The following UBAP1L variants were observed in gnomAD, a reference collection of about 807,000 sequenced individuals.
UBAP1L encodes ubiquitin associated protein 1 like, also known as ubiquitin-associated protein 1-like.
In UBAP1L, 32 loss-of-function variants were observed where a neutral mutation model predicts 32.1. That is an observed-to-expected ratio of 1.00 (90% CI 0.75 to 1.34). The LOEUF (loss-of-function observed/expected upper bound fraction) is 1.34. Ranked by LOEUF, UBAP1L falls within the 40% of genes most tolerant of loss-of-function variation. The pLI, the probability that UBAP1L is intolerant of heterozygous loss-of-function variation, is 0.00. For missense variants in UBAP1L, 516 were observed against 540.5 expected (o/e 0.95, Z 0.45); for synonymous variants, 243 against 250.2 (o/e 0.97, Z 0.27).
intron 1 of UBAP1L, among the ~76,000 whole-genome samples, chr15:65,107,270 A>G (rs1009174987): frequency 2.0e-5 from 3 of 151,736 alleles, no homozygotes; most frequent in African/African-American, 7.3e-5. Context: ...TCTCTAACAC[A>G]TCACACAGTG....
In UBAP1L at chr15:65,102,696, A is replaced by G; in HGVS notation, c.121-12T>C. On this transcript the variant is annotated splice_polypyrimidine_tract_variant and intron_variant, in intron 2 of 5. Transcript: ENST00000559089. The surrounding 1 kb of genome is among the most constrained non-coding windows in gnomAD (Gnocchi z 5.0). ...AGGCTGAAGTCGTGCTGCGGAAAGA[A>G]GGCGACGTAAAGCCCAGGGCAAACC... The G allele has an allele frequency of 6.5e-7, 1 of 1,543,918 alleles. No homozygotes were observed. Among genetic ancestry groups the G allele is most frequent in the Non-Finnish European group, 8.7e-7 (1 of 1,146,344 alleles).
At chr15:65,109,258 C>T (rs539198295) in intron 1 of UBAP1L, among the ~76,000 whole-genome samples, 19 of 151,084 alleles carry the variant, frequency 1.3e-4, no homozygotes, top group Admixed American at 7.9e-4. Context: ...CCGAGGTGGG[C>T]GGATCACAAG....
Position 65,092,838 on chromosome 15 carries a change from A to G in UBAP1L, c.*259T>C. 1.9e-6 allele frequency: 1 copy of G among 514,652 alleles called. No individual in the cohort carries two copies. The highest frequency in any genetic ancestry group is 2.8e-5 in the South Asian group (1 of 36,258). 31.9% of individuals were successfully genotyped at this position (514,652 alleles called of 1,614,324 possible). On this transcript the variant is annotated 3_prime_UTR_variant, in exon 6 of 6. Transcript: ENST00000559089. ...CTAATGCACACAGTGTAAAGAGTCA[A>G]ATCAGGTGGTTTCACAGGCATGCAT...
At position 65,094,512 on chromosome 15, in the gene UBAP1L, T is replaced by A; in HGVS notation, c.974A>T (p.Asp325Val). The A allele has an allele frequency of 6.4e-7, 1 of 1,551,454 alleles. No individual in the cohort carries two copies. The highest frequency in any genetic ancestry group is 8.7e-7 in the Non-Finnish European group (1 of 1,146,920). The change falls in exon 5 of 6, where the codon GAT (aspartate) becomes GTT (valine). Residue 325 changes from aspartate (D) to valine (V), a missense_variant. Asp to Val is a radical substitution (Grantham distance 152, BLOSUM62 -3). Transcript: ENST00000559089. This position sits in a 1 kb window ranked among gnomAD's most constrained non-coding sequence, Gnocchi z 4.2. ...GAACTGGAACATCTCCATGGCCTCA[T>A]CCACCAGGCCTTCCTCATATCCCTG... ...LRQGYEEGLV[D>V]EAMEMFQFSE...
intron 2 of UBAP1L, chr15:65,105,145 C>T (rs1453040801): frequency 1.0e-5 from 2 of 196,608 alleles, no homozygotes; most frequent in Non-Finnish European, 1.0e-5. Context: ...TGCCGCTGCA[C>T]TCCAGCCTGG....
At chr15:65,106,681 C>T (rs1167234845) in intron 1 of UBAP1L, among the ~76,000 whole-genome samples, 1 of 150,662 alleles carries the variant, frequency 6.6e-6, no homozygotes, top group Non-Finnish European at 1.5e-5. Context: ...CGCTCTGTCA[C>T]CCAGGCTGGA....
At chr15:65,109,156 CAAA>C (rs564699668) in intron 1 of UBAP1L, among the ~76,000 whole-genome samples, 6 of 70,026 alleles carry the variant, frequency 8.6e-5, no homozygotes, top group Non-Finnish European at 8.6e-5. Context: ...GACTCTGTCT[CAAA>C]AAAAAAAAAA....
In UBAP1L at chr15:65,094,394, G is replaced by T; in HGVS notation, c.1011+81C>A. 1.0e-6 allele frequency: 1 copy of T among 970,936 alleles called. No individual in the cohort carries two copies. Among genetic ancestry groups the T allele is most frequent in the African/African-American group, 1.6e-5 (1 of 61,756 alleles). The allele number at this position is 970,936 out of a possible 1,614,324, so 60.1% of individuals were successfully genotyped here. A position where few individuals can be genotyped will look rare whatever the true frequency, so the allele number is the denominator to read the frequency against. On this transcript the variant is annotated intron_variant, in intron 5 of 5. Coordinates refer to ENST00000559089, the MANE Select transcript of UBAP1L (RefSeq NM_001163692.2). This position sits in a 1 kb window ranked among gnomAD's most constrained non-coding sequence, Gnocchi z 4.2. Reference sequence around the variant, plus strand: ...GACCCACAGACTGGCTCTGAGGACTGGTGTGGCCCTGCACACCGGGCTCCT... The same window carrying T: ...GACCCACAGACTGGCTCTGAGGACTTGTGTGGCCCTGCACACCGGGCTCCT...
At position 65,094,859 on chromosome 15, in the gene UBAP1L, C is replaced by T. The variant is rs2087157113; in HGVS notation, c.910-283G>A. 2.1e-6 allele frequency: 1 copy of T among 485,764 alleles called. No individual in the cohort carries two copies. The highest frequency in any genetic ancestry group is 3.8e-6 in the Non-Finnish European group (1 of 264,388). The allele number at this position is 485,764 out of a possible 1,614,324, so 30.1% of individuals were successfully genotyped here. A position where few individuals can be genotyped will look rare whatever the true frequency, so the allele number is the denominator to read the frequency against. ...GGGTGGGCTAGGGTGTTCATAGAAC[C>T]TAGGTGGGGAGCAGGACAGGCTTCA... On this transcript the variant is annotated intron_variant, in intron 4 of 5. Transcript: ENST00000559089. This position sits in a 1 kb window ranked among gnomAD's most constrained non-coding sequence, Gnocchi z 4.2.
At position 65,106,275 on chromosome 15, in the gene UBAP1L, A is replaced by G. The variant is rs1215531292; in HGVS notation, c.-60T>C. 6.7e-7 allele frequency: 1 copy of G among 1,497,444 alleles called. No individual in the cohort carries two copies. Among genetic ancestry groups the G allele is most frequent in the African/African-American group, 1.4e-5 (1 of 70,262 alleles). 92.8% of individuals were successfully genotyped at this position (1,497,444 alleles called of 1,614,324 possible). On this transcript the variant is annotated 5_prime_UTR_variant, in exon 2 of 6. Coordinates refer to ENST00000559089, the MANE Select transcript of UBAP1L (RefSeq NM_001163692.2). ...GGGCAGGCTGCTTGATGGCAGGGAG[A>G]GAGAGTCGAGTCCTGAGGACCAGGC... is the stretch of plus-strand genomic sequence containing the variant.
intron 5 of UBAP1L, among the ~76,000 whole-genome samples, chr15:65,093,973 G>A (rs1002020738): frequency 6.6e-6 from 1 of 152,200 alleles, no homozygotes; most frequent in Non-Finnish European, 1.5e-5. Context: ...CTTGAACCTC[G>A]GGGGCAGAGG....
rs769191771 is a variant in UBAP1L, at chr15:65,102,253, C to G, written c.552G>C (p.Leu184=). The G allele has an allele frequency of 6.7e-5, 87 of 1,297,128 alleles. 1 individual carries two copies. Among genetic ancestry groups the G allele is most frequent in the Admixed American group, 3.9e-4 (9 of 23,084 alleles). The allele number at this position is 1,297,128 out of a possible 1,614,324, so 80.4% of individuals were successfully genotyped here. A position where few individuals can be genotyped will look rare whatever the true frequency, so the allele number is the denominator to read the frequency against. ...ACTGCGCAGGGCTCGGGCACAGGCTCAGCGCGCGGTGGCCGCGGAGGCCAT... is the reference window on the plus strand; with the variant it reads ...ACTGCGCAGGGCTCGGGCACAGGCTGAGCGCGCGGTGGCCGCGGAGGCCAT... ...LLHGLRGHRA[L]SLCPSPAQSP... The change falls in exon 3 of 6, where the codon CTG becomes CTC. Residue 184 remains leucine (L), a synonymous_variant. Coordinates refer to ENST00000559089, the MANE Select transcript of UBAP1L (RefSeq NM_001163692.2). This position sits in a 1 kb window ranked among gnomAD's most constrained non-coding sequence, Gnocchi z 5.0.
intron 2 of UBAP1L, chr15:65,104,889 C>A: frequency 2.5e-6 from 1 of 394,342 alleles, no homozygotes; most frequent in South Asian, 1.8e-5. Context: ...TGCCTGTAAT[C>A]CCAGCTACTC....
chr15:65,105,937 C>T lies in UBAP1L; in HGVS notation c.120+159G>A, dbSNP rs181812186. 3.9e-3 allele frequency: 3,840 copies of T among 995,994 alleles called. 20 individuals are homozygous for T. Among genetic ancestry groups the T allele is most frequent in the Admixed American group, 9.0e-3 (373 of 41,370 alleles). The allele number at this position is 995,994 out of a possible 1,614,324, so 61.7% of individuals were successfully genotyped here. ...TTCCGAGTAGCTGGGATTACAGGCA[C>T]GCGTCACCACACCCAGCTAATTTTT... On this transcript the variant is annotated intron_variant, in intron 2 of 5. Coordinates refer to ENST00000559089, the MANE Select transcript of UBAP1L (RefSeq NM_001163692.2).
chr15:65,104,467 C>T (rs1167511304), intron 2 of UBAP1L, among the ~76,000 whole-genome samples: 1 of 152,176 alleles, frequency 6.6e-6, no homozygotes, highest in Non-Finnish European at 1.5e-5. Context: ...GGTACTGGCA[C>T]AGACAGATTA....
chr15:65,100,675 C>T (rs2087231010), intron 3 of UBAP1L: 1 of 152,280 alleles, frequency 6.6e-6, no homozygotes, highest in African/African-American at 2.4e-5. Context: ...AAGGAAAACA[C>T]AGCTGCCGCC....
intron 1 of UBAP1L, among the ~76,000 whole-genome samples, chr15:65,107,887 C>T (rs985737027): frequency 6.6e-6 from 1 of 151,966 alleles, no homozygotes; most frequent in African/African-American, 2.4e-5. Context: ...ATACCACGTT[C>T]AAGGATTGTA....
At chr15:65,114,129 C>T (rs985264616) in intron 1 of UBAP1L, among the ~76,000 whole-genome samples, 3 of 151,878 alleles carry the variant, frequency 2.0e-5, no homozygotes. Context: ...TGTGATCCAC[C>T]TGCCTTGGGC....
At chr15:65,105,490 CA>C in intron 2 of UBAP1L, 1 of 419,436 alleles carries the variant, frequency 2.4e-6, no homozygotes, top group Non-Finnish European at 4.5e-6. Flanking sequence ...CTGAAAAAAA[CA>C]AAAACAGCTC....
Sources: allele counts gnomAD v4.1 joint callset (sites outside exome capture counted in the v4.1 genomes callset), GRCh38; gene constraint gnomAD v4.1.1; non-coding constraint Gnocchi (gnomAD v3.1); transcripts MANE v1.5; gene names NCBI Gene and HGNC (gene_info 2026-07-23, HGNC 2026-07-21).